STXBP3: variants seen among roughly 807,000 people sequenced by gnomAD.
The protein encoded by STXBP3 is syntaxin-binding protein 3.
A neutral mutation model predicts 85.7 loss-of-function variants in STXBP3; 41 were observed. That is an observed-to-expected ratio of 0.48 (90% CI 0.37 to 0.62). The LOEUF (loss-of-function observed/expected upper bound fraction) is 0.62. Among genes scored for constraint, STXBP3 ranks in the 20% least tolerant of loss-of-function variants. The pLI is 0.00. For missense variants in STXBP3, 563 were observed against 703.1 expected, an observed-to-expected ratio of 0.80 and a Z score of 2.25; for synonymous variants, 229 against 231.7, an observed-to-expected ratio of 0.99 and a Z score of 0.10.
intron 1 of STXBP3, among the ~76,000 whole-genome samples, chr1:108,748,580 AC>A (rs1359367819): frequency 2.8e-4 from 42 of 152,096 alleles, no homozygotes; most frequent in African/African-American, 1.0e-3. Flanking sequence ...GCCTGTAATT[AC>A]AGCACTTTGG....
intron 17 of STXBP3, among the ~76,000 whole-genome samples, chr1:108,802,615 C>A (rs1570776009): frequency 6.6e-6 from 1 of 152,114 alleles, no homozygotes; most frequent in East Asian, 1.9e-4. Context: ...ACATATTCAC[C>A]ACCACCGTTC....
chr1:108,766,380 C>T (rs113720747), intron 6 of STXBP3, among the ~76,000 whole-genome samples: 104 of 152,186 alleles, frequency 6.8e-4, no homozygotes, highest in African/African-American at 2.4e-3. Context: ...GTACTTATTT[C>T]ATATTAACCA....
At chr1:108,766,828 C>T (rs76627554) in intron 6 of STXBP3, 169 of 349,510 alleles carry the variant, frequency 4.8e-4, no homozygotes, top group African/African-American at 3.5e-3. Context: ...TAATCATGCC[C>T]TTTTAGTTGC....
At chr1:108,755,215 G>A (rs1461041800) in intron 3 of STXBP3, among the ~76,000 whole-genome samples, 4 of 152,102 alleles carry the variant, frequency 2.6e-5, no homozygotes, top group African/African-American at 9.7e-5. Context: ...GGAGGCTGAG[G>A]CAGGAAGATC....
chr1:108,773,683 C>T (rs1662521214), intron 7 of STXBP3, among the ~76,000 whole-genome samples: 1 of 152,088 alleles, frequency 6.6e-6, no homozygotes, highest in South Asian at 2.1e-4. Context: ...CACATCCACA[C>T]TCACTCGACT....
At chr1:108,786,713 G>C (rs1367905522) in intron 11 of STXBP3, among the ~76,000 whole-genome samples, 1 of 152,186 alleles carries the variant, frequency 6.6e-6, no homozygotes, top group Non-Finnish European at 1.5e-5. Context: ...AAATTTGGTA[G>C]TATAAGTCTT....
intron 6 of STXBP3, among the ~76,000 whole-genome samples, chr1:108,771,085 G>A (rs1662384295): frequency 6.6e-6 from 1 of 151,874 alleles, no homozygotes; most frequent in South Asian, 2.1e-4. Context: ...GTTTCTCTGT[G>A]CTAGGAGTTA....
In STXBP3 at chr1:108,788,551, G is replaced by A. The variant is rs558470524; in HGVS notation, c.964-5031G>A. Among the ~76,000 whole-genome samples, 158 of 152,112 alleles carry A rather than the reference G, an allele frequency of 1.0e-3. 1 individual carries two copies. The highest frequency in any genetic ancestry group is 2.5e-3 in the African/African-American group (105 of 41,504). On this transcript the variant is annotated intron_variant, in intron 11 of 18. Transcript: ENST00000370008. ...AGACTTCTTTATGGGGAGGTCTTTC[G>A]TTATAATTAATGATAAGTTATTTAA...
intron 9 of STXBP3, chr1:108,781,073 T>C (rs1662708096): frequency 1.3e-5 from 2 of 152,226 alleles, no homozygotes. Context: ...CTGAGTATTG[T>C]CAGGCTTGTT....
chr1:108,782,574 C>T (rs944071623), intron 10 of STXBP3, 57 bp downstream of exon 10: 3 of 1,597,922 alleles, frequency 1.9e-6, no homozygotes, highest in Middle Eastern at 3.3e-4. Flanking sequence ...TGTGATAGTA[C>T]ATTTTGTAAC....
intron 3 of STXBP3, 39 bp downstream of exon 3, chr1:108,753,183 A>G (rs767694099): frequency 7.1e-7 from 1 of 1,410,524 alleles, no homozygotes; most frequent in South Asian, 1.5e-5. Flanking sequence ...TTTAATTGTA[A>G]TTGGGGGAGA....
chr1:108,748,254 C>T (rs1004900422), intron 1 of STXBP3, among the ~76,000 whole-genome samples: 1 of 152,118 alleles, frequency 6.6e-6, no homozygotes, highest in African/African-American at 2.4e-5. Flanking sequence ...AAAATTATGG[C>T]CAGGTGCAGT....
At chr1:108,797,549 C>T (rs918825498) in intron 15 of STXBP3, among the ~76,000 whole-genome samples, 9 of 150,078 alleles carry the variant, frequency 6.0e-5, no homozygotes. Context: ...TCTGGGATTA[C>T]AGGCGCCTGC....
At chr1:108,767,373 A>AG (rs1463961562) in intron 6 of STXBP3, 3 of 238,640 alleles carry the variant, frequency 1.3e-5, no homozygotes, top group African/African-American at 7.0e-5. Context: ...TGAAGTCCTT[A>AG]GATCAGTAAT....
chr1:108,798,924 A>G (rs1455664034), intron 16 of STXBP3, among the ~76,000 whole-genome samples: 1 of 152,206 alleles, frequency 6.6e-6, no homozygotes, highest in Non-Finnish European at 1.5e-5. Flanking sequence ...ATTCTTGGAA[A>G]TGTTTTTGGA....
At chr1:108,792,695 A>C (rs942118323) in intron 11 of STXBP3, among the ~76,000 whole-genome samples, 1 of 152,184 alleles carries the variant, frequency 6.6e-6, no homozygotes, top group African/African-American at 2.4e-5. Context: ...TGTGCTAGAC[A>C]TGGTGGATGA....
intron 11 of STXBP3, among the ~76,000 whole-genome samples, chr1:108,788,441 T>G (rs1422020104): frequency 6.6e-6 from 1 of 152,224 alleles, no homozygotes; most frequent in Non-Finnish European, 1.5e-5. Flanking sequence ...TGTCATTCCA[T>G]TCTCTGAAAG....
intron 14 of STXBP3, 90 bp from the exon 15 acceptor site, chr1:108,796,530 A>G: frequency 3.9e-6 from 5 of 1,270,496 alleles, no homozygotes; most frequent in Non-Finnish European, 5.4e-6. Context: ...TTTTTATTTT[A>G]AAAGCTTCAT....
At chr1:108,766,899 C>A in intron 6 of STXBP3, 1 of 521,326 alleles carries the variant, frequency 1.9e-6, no homozygotes, top group Admixed American at 2.0e-5. Flanking sequence ...AACTCTAGCA[C>A]AAAAGAAACT....
Sources: gnomAD v4.1 joint callset for allele counts (sites outside exome capture counted in the v4.1 genomes callset) on GRCh38, gnomAD v4.1.1 for gene constraint, MANE v1.5 for transcripts, NCBI Gene and HGNC (gene_info 2026-07-23, HGNC 2026-07-21) for gene names.